The following NXPE2 variants were observed in gnomAD, a reference collection of about 807,000 sequenced individuals.
NXPE2 encodes the protein neurexophilin and PC-esterase domain family member 2.
Under a neutral mutation model 34.4 loss-of-function variants are expected in NXPE2, and 34 were observed. That is an observed-to-expected ratio of 0.99 (90% confidence interval 0.75 to 1.31). The LOEUF is 1.31. Ranked by LOEUF, NXPE2 falls within the 40% of genes most tolerant of loss-of-function variation. NXPE2 has a pLI of 0.00. For synonymous variants in NXPE2, 235 were observed against 231.3 expected (o/e 1.02, Z -0.15); for missense variants, 649 against 672.5 (o/e 0.97, Z 0.39).
At chr11:114,653,616 C>T in the NXPE2 span, among the ~76,000 whole-genome samples, 1 of 143,572 alleles carries the variant, frequency 7.0e-6, no homozygotes, top group Non-Finnish European at 1.5e-5. Flanking sequence ...CAAGCTTCAA[C>T]TTCTGGGTTC....
chr11:114,703,531 C>T (rs117650522), intron 3 of NXPE2, among the ~76,000 whole-genome samples: 23 of 152,228 alleles, frequency 1.5e-4, no homozygotes, highest in Middle Eastern at 6.8e-3. Context: ...TTCTGATGCA[C>T]GCTCAAGTTT....
the NXPE2 span, among the ~76,000 whole-genome samples, chr11:114,615,789 C>G: frequency 6.6e-6 from 1 of 151,590 alleles, no homozygotes; most frequent in Non-Finnish European, 1.5e-5. Flanking sequence ...CCACTGTTAC[C>G]CAATGGATAA....
the NXPE2 span, among the ~76,000 whole-genome samples, chr11:114,600,996 C>A: frequency 6.6e-6 from 1 of 151,974 alleles, no homozygotes; most frequent in Non-Finnish European, 1.5e-5. Context: ...TCCATCATTT[C>A]GAACAGGTTG....
the NXPE2 span, among the ~76,000 whole-genome samples, chr11:114,562,715 G>A: frequency 6.6e-6 from 1 of 152,060 alleles, no homozygotes; most frequent in Non-Finnish European, 1.5e-5. Flanking sequence ...CAAGCTAAAG[G>A]AAAAAGTATA....
chr11:114,811,970 C>T, the NXPE2 span, among the ~76,000 whole-genome samples: 2 of 152,162 alleles, frequency 1.3e-5, no homozygotes, highest in East Asian at 3.8e-4. Context: ...AGCACAGTGT[C>T]TGGCACATAG....
At chr11:114,611,344 G>A in the NXPE2 span, among the ~76,000 whole-genome samples, 3 of 151,062 alleles carry the variant, frequency 2.0e-5, no homozygotes, top group Admixed American at 6.6e-5. Context: ...TTGCCTCATG[G>A]GTAACCACTG....
chr11:114,639,259 G>T, the NXPE2 span, among the ~76,000 whole-genome samples: 2 of 152,036 alleles, frequency 1.3e-5, no homozygotes, highest in East Asian at 3.9e-4. Context: ...GTGGGCATAG[G>T]ACCCTCCGAG....
At chr11:114,670,666 T>A in the NXPE2 span, among the ~76,000 whole-genome samples, 1 of 152,012 alleles carries the variant, frequency 6.6e-6, no homozygotes, top group Non-Finnish European at 1.5e-5. Context: ...CACTCTAGCC[T>A]GGGCAACAGA....
the NXPE2 span, among the ~76,000 whole-genome samples, chr11:114,581,398 T>C: frequency 6.6e-6 from 1 of 152,036 alleles, no homozygotes; most frequent in Non-Finnish European, 1.5e-5. Flanking sequence ...GGGAGTGGTA[T>C]GAAGAGAGGT....
intron 2 of NXPE2, among the ~76,000 whole-genome samples, chr11:114,696,851 G>T (rs908297300): frequency 1.3e-5 from 2 of 152,136 alleles, no homozygotes; most frequent in African/African-American, 4.8e-5. Context: ...CAAGACCCCA[G>T]TGGATGCCTG....
the NXPE2 span, among the ~76,000 whole-genome samples, chr11:114,726,716 C>T: frequency 2.0e-5 from 3 of 152,088 alleles, no homozygotes; most frequent in African/African-American, 7.2e-5. Context: ...GCCACTCTTT[C>T]AACACTTTGC....
the NXPE2 span, among the ~76,000 whole-genome samples, chr11:114,492,336 A>G: frequency 6.6e-6 from 1 of 151,752 alleles, no homozygotes; most frequent in East Asian, 1.9e-4. Flanking sequence ...GTTTTATTCC[A>G]TTGTTTTCAG....
At chr11:114,752,982 G>A in the NXPE2 span, among the ~76,000 whole-genome samples, 3 of 152,160 alleles carry the variant, frequency 2.0e-5, no homozygotes, top group East Asian at 1.9e-4. Context: ...TTTGGAGATC[G>A]GGGAGATGTG....
chr11:114,763,146 A>G, the NXPE2 span, among the ~76,000 whole-genome samples: 2 of 152,160 alleles, frequency 1.3e-5, no homozygotes, highest in African/African-American at 4.8e-5. Context: ...GCAATCTTCT[A>G]TAAAATAAAA....
the NXPE2 span, among the ~76,000 whole-genome samples, chr11:114,596,259 C>T: frequency 6.6e-6 from 1 of 152,160 alleles, no homozygotes; most frequent in African/African-American, 2.4e-5. Context: ...AACAGAGTGA[C>T]AGCTTGTAGT....
At chr11:114,517,339 A>T in the NXPE2 span, among the ~76,000 whole-genome samples, 1 of 152,266 alleles carries the variant, frequency 6.6e-6, no homozygotes, top group South Asian at 2.1e-4. Context: ...TCCCTTACCC[A>T]GAAATCAGGA....
At chr11:114,580,160 C>A in the NXPE2 span, 4 of 1,614,016 alleles carry the variant, frequency 2.5e-6, no homozygotes, top group Non-Finnish European at 3.4e-6. Flanking sequence ...AGTATTCCAT[C>A]CACTGGCGGA....
At chr11:114,506,952 T>G in the NXPE2 span, among the ~76,000 whole-genome samples, 1 of 151,960 alleles carries the variant, frequency 6.6e-6, no homozygotes, top group South Asian at 2.1e-4. Flanking sequence ...GGAGCTGGTT[T>G]TTTGAAAAAA....
At chr11:114,725,974 A>ATATATATATATAT in the NXPE2 span, among the ~76,000 whole-genome samples, 19 of 32,846 alleles carry the variant, frequency 5.8e-4, no homozygotes, top group East Asian at 1.4e-3. Flanking sequence ...TAATAAAAAA[A>ATATATATATATAT]AAATATATAT....
Sources: gnomAD v4.1 joint callset for allele counts (sites outside exome capture counted in the v4.1 genomes callset) on GRCh38, gnomAD v4.1.1 for gene constraint, MANE v1.5 for transcripts, NCBI Gene and HGNC (gene_info 2026-07-23, HGNC 2026-07-21) for gene names.